Variants in SLX4IP observed in about 807,000 individuals in gnomAD.
The protein encoded by SLX4IP is protein SLX4IP.
Under a neutral mutation model 32.9 loss-of-function variants are expected in SLX4IP, and 34 were observed. The ratio of observed to expected loss-of-function variants is 1.03; its 90% CI spans 0.79 to 1.38. The LOEUF (loss-of-function observed/expected upper bound fraction) is 1.38, where lower values mean the gene tolerates loss of function less well. Ranked by LOEUF, SLX4IP falls within the 40% of genes most tolerant of loss-of-function variation. SLX4IP has a pLI of 0.00. For missense variants in SLX4IP, 444 were observed against 479.0 expected, an observed-to-expected ratio of 0.93 and a Z score of 0.68; for synonymous variants, 172 against 171.7, an observed-to-expected ratio of 1.00 and a Z score of -0.01.
In SLX4IP at chr20:10,531,173, T is replaced by C. The variant is rs113207940; in HGVS notation, c.28-25058T>C. Among the ~76,000 whole-genome samples the C allele has an allele frequency of 2.5e-3, 382 of 152,264 alleles. 1 individual carries two copies. The highest frequency in any genetic ancestry group is 0.014 in the Middle Eastern group (4 of 294). On this transcript the variant is annotated intron_variant, in intron 2 of 7. Coordinates refer to ENST00000334534, the MANE Select transcript of SLX4IP (RefSeq NM_001009608.3). ...TCACATGCCCACTTCTCCCCACCCA[T>C]CTCAGCTGTTAAGTCTTGCTGTGGG...
chr20:10,438,227 T>TTTC (rs1475684498), intron 1 of SLX4IP, among the ~76,000 whole-genome samples: 2 of 152,060 alleles, frequency 1.3e-5, no homozygotes, highest in African/African-American at 4.8e-5. Flanking sequence ...TTTTTTTTTT[T>TTTC]TTCTGTAAGT....
chr20:10,613,697 G>A (rs2066993983), intron 6 of SLX4IP: 2 of 1,612,920 alleles, frequency 1.2e-6, no homozygotes, highest in Non-Finnish European at 1.7e-6. Flanking sequence ...AGGCGTTATA[G>A]GATGGGACCT....
chr20:10,536,696 G>A (rs941714827), intron 2 of SLX4IP, among the ~76,000 whole-genome samples: 2 of 152,220 alleles, frequency 1.3e-5, no homozygotes, highest in Non-Finnish European at 2.9e-5. Context: ...TTACAAGGAA[G>A]GAAAACTCAA....
intron 2 of SLX4IP, among the ~76,000 whole-genome samples, chr20:10,459,114 A>G (rs968670280): frequency 6.6e-6 from 1 of 152,178 alleles, no homozygotes; most frequent in East Asian, 1.9e-4. Context: ...ATGATCAGTG[A>G]TGTTGAGCTT....
chr20:10,584,680 A>G lies in SLX4IP; in HGVS notation c.239-13995A>G, dbSNP rs1428061566. ...AAAGACCTCAGCCTTGGAGATTCAA[A>G]TTTCCCAAGTGATTTAGATATGGGC... On this transcript the variant is annotated intron_variant, in intron 4 of 7. Transcript: ENST00000334534. 2.0e-5 allele frequency among the ~76,000 whole-genome samples: 3 copies of G among 152,320 alleles called. No individual in the cohort carries two copies. In the South Asian group the frequency reaches 6.2e-4, roughly 32 times the overall value.
intron 6 of SLX4IP, among the ~76,000 whole-genome samples, chr20:10,618,484 A>G (rs75196107): frequency 0.023 from 3,545 of 152,324 alleles, 103 homozygotes; most frequent in African/African-American, 0.069. Context: ...TATTTGTAGA[A>G]TTTTATTCCT....
chr20:10,472,300 G>A (rs1227243707), intron 2 of SLX4IP, among the ~76,000 whole-genome samples: 3 of 150,322 alleles, frequency 2.0e-5, no homozygotes, highest in Non-Finnish European at 4.4e-5. Context: ...GCACGATCTC[G>A]GCTTACTGCA....
intron 2 of SLX4IP, among the ~76,000 whole-genome samples, chr20:10,472,380 G>A (rs1312732478): frequency 1.3e-5 from 2 of 151,956 alleles, no homozygotes; most frequent in African/African-American, 4.8e-5. Context: ...ACAGTCGCCT[G>A]CCACCACGCC....
At chr20:10,478,399 A>G (rs2065492531) in intron 2 of SLX4IP, among the ~76,000 whole-genome samples, 2 of 152,132 alleles carry the variant, frequency 1.3e-5, no homozygotes, top group Non-Finnish European at 2.9e-5. Context: ...GAGATTGAGT[A>G]ATTTGCTCAG....
rs142106981 is a variant in SLX4IP, at chr20:10,601,360, C to T, written c.317-371C>T. Among the ~76,000 whole-genome samples, 219 of 152,228 alleles carry T rather than the reference C, an allele frequency of 1.4e-3. 1 individual carries two copies. Among genetic ancestry groups the T allele is most frequent in the African/African-American group, 5.1e-3 (213 of 41,522 alleles). ...TTTTTAGATTTTATCTAATATTCTT[C>T]CTCTTCCTCTAAAGTGTTACATGCT... On this transcript the variant is annotated intron_variant, in intron 5 of 7. Coordinates refer to ENST00000334534, the MANE Select transcript of SLX4IP (RefSeq NM_001009608.3).
rs1227060412 is a variant in SLX4IP, at chr20:10,474,521, T to G, written c.27+16290T>G. Among the ~76,000 whole-genome samples the G allele has an allele frequency of 3.9e-5, 6 of 152,042 alleles. No individual in the cohort carries two copies. In the Admixed American group the frequency reaches 3.9e-4, roughly 10 times the overall value. Reference sequence around the variant, plus strand: ...CCCCTTCCCTTCTTTACTTTAGGTATTGATGTCCTCCATTTACATCTCTGT... The same window carrying G: ...CCCCTTCCCTTCTTTACTTTAGGTAGTGATGTCCTCCATTTACATCTCTGT... On this transcript the variant is annotated intron_variant, in intron 2 of 7. Coordinates refer to ENST00000334534, the MANE Select transcript of SLX4IP (RefSeq NM_001009608.3).
intron 2 of SLX4IP, among the ~76,000 whole-genome samples, chr20:10,484,778 A>G (rs1210872791): frequency 1.3e-5 from 2 of 152,226 alleles, no homozygotes; most frequent in African/African-American, 4.8e-5. Context: ...AAAGATAGCT[A>G]GTAACACAGG....
intron 2 of SLX4IP, among the ~76,000 whole-genome samples, chr20:10,508,711 C>T (rs1049643374): frequency 2.5e-4 from 38 of 152,344 alleles, no homozygotes; most frequent in African/African-American, 9.1e-4. Flanking sequence ...TCTCCGTGGG[C>T]TGGCAGCTAT....
chr20:10,579,064 T>G (rs2066553906), intron 4 of SLX4IP, among the ~76,000 whole-genome samples: 1 of 152,226 alleles, frequency 6.6e-6, no homozygotes, highest in South Asian at 2.1e-4. Flanking sequence ...CCCAAAAGTT[T>G]TTAATTTTAA....
intron 4 of SLX4IP, among the ~76,000 whole-genome samples, chr20:10,588,313 T>G (rs1039063655): frequency 1.3e-5 from 2 of 152,196 alleles, no homozygotes; most frequent in Admixed American, 1.3e-4. Context: ...TGAGATGTCA[T>G]CTCATACCTG....
At chr20:10,560,286 G>C (rs1309018865) in intron 3 of SLX4IP, among the ~76,000 whole-genome samples, 1 of 152,164 alleles carries the variant, frequency 6.6e-6, no homozygotes, top group Non-Finnish European at 1.5e-5. Flanking sequence ...TGTTTCCCTG[G>C]GGCCCTTGAT....
chr20:10,571,097 T>C (rs1188536633), intron 4 of SLX4IP, among the ~76,000 whole-genome samples: 1 of 152,094 alleles, frequency 6.6e-6, no homozygotes. Context: ...CCTCCGAAAG[T>C]GTTGGGATTA....
At chr20:10,573,521 A>G (rs1181076169) in intron 4 of SLX4IP, among the ~76,000 whole-genome samples, 1 of 152,224 alleles carries the variant, frequency 6.6e-6, no homozygotes, top group African/African-American at 2.4e-5. Flanking sequence ...ACCCATGCAC[A>G]GTAGGAATGG....
intron 2 of SLX4IP, among the ~76,000 whole-genome samples, chr20:10,483,392 G>T (rs1441462588): frequency 6.6e-6 from 1 of 152,144 alleles, no homozygotes; most frequent in Non-Finnish European, 1.5e-5. Context: ...AAAGTGCTGG[G>T]ATTACATGCA....
Sources: gnomAD v4.1 joint callset for allele counts (sites outside exome capture counted in the v4.1 genomes callset) on GRCh38, gnomAD v4.1.1 for gene constraint, MANE v1.5 for transcripts, NCBI Gene and HGNC (gene_info 2026-07-23, HGNC 2026-07-21) for gene names.